PPP1R16A: variants seen among roughly 807,000 people sequenced by gnomAD.
PPP1R16A encodes the protein myosin phosphatase-targeting subunit 3.
A neutral mutation model predicts 46.6 loss-of-function variants in PPP1R16A; 39 were observed. That is an observed-to-expected ratio of 0.84 (90% confidence interval 0.65 to 1.09). PPP1R16A has a LOEUF of 1.09. PPP1R16A is among the 50% of genes least tolerant of loss of function. The pLI is 0.00. For synonymous variants in PPP1R16A, 413 were observed against 321.5 expected, an observed-to-expected ratio of 1.28 and a Z score of -3.04; for missense variants, 798 against 735.6, an observed-to-expected ratio of 1.08 and a Z score of -0.98.
intron 1 of PPP1R16A, among the ~76,000 whole-genome samples, chr8:144,487,567 CCT>C (rs1395112826): frequency 6.6e-6 from 1 of 152,092 alleles, no homozygotes; most frequent in Non-Finnish European, 1.5e-5. Flanking sequence ...TGAGAGTCTC[CCT>C]GTTTTGCCTA....
chr8:144,501,754 G>C lies in PPP1R16A; in HGVS notation c.1438G>C (p.Glu480Gln). 1 of 1,571,998 alleles carries C rather than the reference G, an allele frequency of 6.4e-7. No homozygotes were observed. Among genetic ancestry groups the C allele is most frequent in the Non-Finnish European group, 8.6e-7 (1 of 1,159,642 alleles). ...RPPPEGPESP[E>Q]TAEPGLPGDT... is the part of the protein sequence containing the mutation. ...CCCACCTGAGGGGCCCGAGAGCCCTGAGACAGCTGAGCCTGGCCTGCCTGG... is the reference window on the plus strand; with the variant it reads ...CCCACCTGAGGGGCCCGAGAGCCCTCAGACAGCTGAGCCTGGCCTGCCTGG... The change falls in exon 12 of 12, where the codon GAG (glutamate) becomes CAG (glutamine). Residue 480 changes from glutamate (E) to glutamine (Q), a missense_variant. Physicochemically the swap from Glu to Gln is conservative, Grantham distance 29. Transcript: ENST00000435887.
At chr8:144,486,962 C>T (rs747170090) in intron 1 of PPP1R16A, among the ~76,000 whole-genome samples, 1 of 152,146 alleles carries the variant, frequency 6.6e-6, no homozygotes, top group Non-Finnish European at 1.5e-5. Flanking sequence ...TTGCATTTCA[C>T]CTGGGGTGGG....
chr8:144,500,722 G>C lies in PPP1R16A; in HGVS notation c.868G>C (p.Asp290His). Residue 290 changes from aspartate to histidine, a missense_variant, in exon 9 of 12, where the codon GAC becomes CAC. By Grantham distance (81) the Asp-to-His change is moderately conservative (BLOSUM62 -1). Coordinates refer to ENST00000435887, the MANE Select transcript of PPP1R16A (RefSeq NM_001329443.2). The part of the protein sequence containing the change: ...LVELLVAHGA[D>H]LNAKSLMDET... ...GGAGCTGCTCGTGGCGCACGGGGCC[G>C]ACCTGAACGCAAAGTCCCTGATGGA... The C allele has an allele frequency of 6.2e-7, 1 of 1,611,772 alleles. No homozygotes were observed. The highest frequency in any genetic ancestry group is 8.5e-7 in the Non-Finnish European group (1 of 1,179,662).
chr8:144,491,353 C>G (rs1006821118), intron 2 of PPP1R16A, among the ~76,000 whole-genome samples: 1 of 152,128 alleles, frequency 6.6e-6, no homozygotes, highest in African/African-American at 2.4e-5. Flanking sequence ...GTGGCTCATA[C>G]CTATAATCCC....
At chr8:144,490,685 C>T (rs113327992) in intron 2 of PPP1R16A, among the ~76,000 whole-genome samples, 14 of 152,310 alleles carry the variant, frequency 9.2e-5, no homozygotes, top group Non-Finnish European at 1.8e-4. Context: ...CCAGAGACTG[C>T]ACCTTCAGAA....
In PPP1R16A at chr8:144,501,822, C is replaced by G. The variant is rs887638056; in HGVS notation, c.1506C>G (p.Gly502=). ...TPQPDCGFRA[G]GDPPLLKLTA... ...AGCCTGACTGTGGCTTCAGGGCAGGCGGGGACCCACCCCTGCTCAAGCTCA... is the reference window on the plus strand; with the variant it reads ...AGCCTGACTGTGGCTTCAGGGCAGGGGGGGACCCACCCCTGCTCAAGCTCA... Residue 502 remains glycine, a synonymous_variant, in exon 12 of 12, where the codon GGC becomes GGG. Coordinates refer to ENST00000435887, the MANE Select transcript of PPP1R16A (RefSeq NM_001329443.2). The G allele has an allele frequency of 6.4e-7, 1 of 1,551,618 alleles. No individual in the cohort carries two copies. Among genetic ancestry groups the G allele is most frequent in the Non-Finnish European group, 8.7e-7 (1 of 1,149,276 alleles).
In PPP1R16A at chr8:144,501,551, A is replaced by G. The variant is rs1321174885; in HGVS notation, c.1235A>G (p.Asn412Ser). 1.9e-6 allele frequency: 3 copies of G among 1,585,440 alleles called. No individual in the cohort carries two copies. Among genetic ancestry groups the G allele is most frequent in the South Asian group, 1.1e-5 (1 of 87,184 alleles). Residue 412 changes from asparagine to serine, a missense_variant, in exon 12 of 12, where the codon AAT (asparagine) becomes AGT (serine). Physicochemically the swap from Asn to Ser is conservative, Grantham distance 46 (BLOSUM62 1). Transcript: ENST00000435887. ...EDNPEVVRPH[N>S]GRVGGSPVRH... is the part of the protein sequence containing the mutation. Reference sequence around the variant, plus strand: ...AACCCCGAAGTGGTCAGGCCGCACAATGGCCGAGTAGGGGGCTCCCCAGTG... The same window carrying G: ...AACCCCGAAGTGGTCAGGCCGCACAGTGGCCGAGTAGGGGGCTCCCCAGTG...
rs760205268 is a variant in PPP1R16A, at chr8:144,501,220, C to T, written c.1129C>T (p.Pro377Ser). 6.2e-7 allele frequency: 1 copy of T among 1,607,904 alleles called. No homozygotes were observed. Among genetic ancestry groups the T allele is most frequent in the South Asian group, 1.1e-5 (1 of 90,942 alleles). Residue 377 changes from proline to serine, a missense_variant, in exon 11 of 12, where the codon CCC becomes TCC. By Grantham distance (74) the Pro-to-Ser change is moderately conservative. Coordinates refer to ENST00000435887, the MANE Select transcript of PPP1R16A (RefSeq NM_001329443.2). ...GGCCATCGTGTGGCAACAGCCGCCGCCCACCAGCCCGGAGCCGCCCGAGGA... is the reference window on the plus strand; with the variant it reads ...GGCCATCGTGTGGCAACAGCCGCCGTCCACCAGCCCGGAGCCGCCCGAGGA... ...QEAIVWQQPP[P>S]TSPEPPEDND...
At chr8:144,487,160 T>C (rs1825652191) in intron 1 of PPP1R16A, among the ~76,000 whole-genome samples, 2 of 152,074 alleles carry the variant, frequency 1.3e-5, no homozygotes, top group Admixed American at 6.5e-5. Flanking sequence ...GCTAATTTTT[T>C]GTATTTCTAG....
At position 144,500,672 on chromosome 8, in the gene PPP1R16A, C is replaced by T. The variant is rs1826381506; in HGVS notation, c.832-14C>T. On this transcript the variant is annotated splice_polypyrimidine_tract_variant and intron_variant, in intron 8 of 11. Transcript: ENST00000435887. ...CCAGCGCAGCAGTCTGCAGCTCCGG[C>T]CTGCCGTCCACAGGTGCCCCTGGTG... 6.2e-7 allele frequency: 1 copy of T among 1,609,264 alleles called. No homozygotes were observed. The highest frequency in any genetic ancestry group is 8.5e-7 in the Non-Finnish European group (1 of 1,179,424).
At position 144,500,470 on chromosome 8, in the gene PPP1R16A, C is replaced by T. The variant is rs1366769491; in HGVS notation, c.706-17C>T. ...GTGGGGGATGGGGCCGAATTCAGGC[C>T]GGGCGCTTGCCTGCAGCTGCACGTC... On this transcript the variant is annotated splice_polypyrimidine_tract_variant and intron_variant, in intron 7 of 11. Transcript: ENST00000435887. The T allele has an allele frequency of 1.0e-5, 16 of 1,564,310 alleles. No homozygotes were observed. The highest frequency in any genetic ancestry group is 1.4e-5 in the Non-Finnish European group (16 of 1,163,670).
chr8:144,485,786 G>T (rs951305991), intron 1 of PPP1R16A, among the ~76,000 whole-genome samples: 1 of 152,180 alleles, frequency 6.6e-6, no homozygotes, highest in Non-Finnish European at 1.5e-5. Flanking sequence ...TGGCCAAGAT[G>T]CAGCACAGCC....
In PPP1R16A at chr8:144,497,440, T is replaced by C. The variant is rs757735268; in HGVS notation, c.246T>C (p.Asn82=). 1 of 1,612,888 alleles carries C rather than the reference T, an allele frequency of 6.2e-7. No individual in the cohort carries two copies. The highest frequency in any genetic ancestry group is 8.5e-7 in the Non-Finnish European group (1 of 1,179,984). The change falls in exon 3 of 12, where the codon AAT becomes AAC. Residue 82 remains asparagine (N), a synonymous_variant. Coordinates refer to ENST00000435887, the MANE Select transcript of PPP1R16A (RefSeq NM_001329443.2). ...SVVLLEAAAR[N]DLEEVRQFLG... ...TCCTTCTGGAGGCCGCTGCCCGAAATGACCTGGAAGAAGGTGAGTGTGGCT... is the reference window on the plus strand; with the variant it reads ...TCCTTCTGGAGGCCGCTGCCCGAAACGACCTGGAAGAAGGTGAGTGTGGCT...
intron 1 of PPP1R16A, among the ~76,000 whole-genome samples, chr8:144,484,752 T>G (rs1049643625): frequency 6.6e-6 from 1 of 152,238 alleles, no homozygotes; most frequent in Non-Finnish European, 1.5e-5. Flanking sequence ...GGCCAGTCCC[T>G]GGTGTGGTCC....
At position 144,497,408 on chromosome 8, in the gene PPP1R16A, A is replaced by G. The variant is rs759486140; in HGVS notation, c.214A>G (p.Ser72Gly). 3.1e-6 allele frequency: 5 copies of G among 1,612,988 alleles called. No individual in the cohort carries two copies. In the South Asian group the frequency reaches 5.5e-5, roughly 18 times the overall value. ...GLLKQVLFPP[S>G]VVLLEAAARN... ...CCTGAAGCAGGTCCTCTTCCCTCCC[A>G]GTGTTGTCCTTCTGGAGGCCGCTGC... Residue 72 changes from serine (S) to glycine (G), a missense_variant, in exon 3 of 12, where the codon AGT becomes GGT. By Grantham distance (56) the Ser-to-Gly change is moderately conservative. Transcript: ENST00000435887.
At position 144,501,389 on chromosome 8, in the gene PPP1R16A, A is replaced by G. The variant is rs965942686; in HGVS notation, c.1203+95A>G. 1.4e-5 allele frequency: 21 copies of G among 1,491,388 alleles called. No homozygotes were observed. The Admixed American group carries it at 4.5e-4, about 32-fold the overall frequency. 92.4% of individuals were successfully genotyped at this position (1,491,388 alleles called of 1,614,324 possible). A position where few individuals can be genotyped will look rare whatever the true frequency, so the allele number is the denominator to read the frequency against. ...TGGACCCCCTCCTGCCTGTGTCAGG[A>G]ATGGTGCCCTGCAGGGGCCAGCTTT... On this transcript the variant is annotated intron_variant, in intron 11 of 11. Coordinates refer to ENST00000435887, the MANE Select transcript of PPP1R16A (RefSeq NM_001329443.2).
chr8:144,480,428 C>T (rs1018237388), intron 1 of PPP1R16A, among the ~76,000 whole-genome samples: 6 of 152,348 alleles, frequency 3.9e-5, no homozygotes, highest in Admixed American at 2.0e-4. Flanking sequence ...GATTTTCCTG[C>T]CTCAGCCTCC....
chr8:144,501,509 A>G lies in PPP1R16A; in HGVS notation c.1204-11A>G, dbSNP rs1298214253. 1 of 1,531,068 alleles carries G rather than the reference A, an allele frequency of 6.5e-7. No homozygotes were observed. Among genetic ancestry groups the G allele is most frequent in the South Asian group, 1.3e-5 (1 of 79,440 alleles). 94.8% of individuals were successfully genotyped at this position (1,531,068 alleles called of 1,614,324 possible). On this transcript the variant is annotated splice_polypyrimidine_tract_variant and intron_variant, in intron 11 of 11. Transcript: ENST00000435887. ...GCCTCCTGATGGCTCTGGGACCTTC[A>G]CTGCCCGCAGGAGGACAACCCCGAA...
intron 2 of PPP1R16A, among the ~76,000 whole-genome samples, chr8:144,490,871 A>G (rs1429226782): frequency 1.3e-5 from 2 of 152,140 alleles, no homozygotes; most frequent in South Asian, 2.1e-4. Context: ...TCTGGGCAAC[A>G]TAGGGAGACC....
Sources: allele counts gnomAD v4.1 joint callset (sites outside exome capture counted in the v4.1 genomes callset), GRCh38; gene constraint gnomAD v4.1.1; transcripts MANE v1.5; gene names NCBI Gene and HGNC (gene_info 2026-07-23, HGNC 2026-07-21).